Variants in SENP6 observed in about 807,000 individuals in gnomAD.
SENP6 encodes the protein SUMO specific peptidase 6, also known as sentrin-specific protease 6.
A neutral mutation model predicts 134.5 loss-of-function variants in SENP6; 41 were observed. That is an observed-to-expected ratio of 0.30 (90% CI 0.24 to 0.40). The LOEUF (loss-of-function observed/expected upper bound fraction) is 0.40. Ranked by LOEUF, SENP6 falls within the 10% of genes least tolerant of loss-of-function variation. The pLI is 1.00. For synonymous variants in SENP6, 395 were observed against 429.8 expected (o/e 0.92, Z 1.00); for missense variants, 1,248 against 1,312.5 (o/e 0.95, Z 0.76).
chr6:75,669,938 ATT>A (rs59309658), intron 10 of SENP6, among the ~76,000 whole-genome samples: 2 of 149,978 alleles, frequency 1.3e-5, no homozygotes, highest in African/African-American at 4.9e-5. Context: ...ACAAGATCAG[ATT>A]TTTTTTTTTT....
intron 16 of SENP6, among the ~76,000 whole-genome samples, chr6:75,689,692 T>C (rs1774103036): frequency 6.6e-6 from 1 of 152,200 alleles, no homozygotes; most frequent in African/African-American, 2.4e-5. Flanking sequence ...TAGTTTCCAT[T>C]GTGTCACAGT....
At chr6:75,641,175 C>G (rs1394479347) in intron 6 of SENP6, among the ~76,000 whole-genome samples, 1 of 152,098 alleles carries the variant, frequency 6.6e-6, no homozygotes, top group Admixed American at 6.6e-5. Context: ...TAAAAGGAAA[C>G]TTGTTGACAG....
intron 13 of SENP6, chr6:75,676,775 G>T (rs191399090): frequency 6.3e-4 from 193 of 306,506 alleles, no homozygotes; most frequent in African/African-American, 3.8e-3. Context: ...TTACATACGT[G>T]AATAGATTTG....
At chr6:75,684,203 G>A (rs1307355879) in intron 16 of SENP6, among the ~76,000 whole-genome samples, 7 of 152,124 alleles carry the variant, frequency 4.6e-5, no homozygotes, top group Non-Finnish European at 8.8e-5. Context: ...CTGTTTATCT[G>A]TTAATGGTGT....
chr6:75,672,569 T>C (rs1772760904), intron 11 of SENP6, among the ~76,000 whole-genome samples: 1 of 152,212 alleles, frequency 6.6e-6, no homozygotes, highest in African/African-American at 2.4e-5. Flanking sequence ...GCATTCTTCA[T>C]TGAAGAATAA....
chr6:75,686,979 C>T (rs1436222109), intron 16 of SENP6, among the ~76,000 whole-genome samples: 1 of 152,144 alleles, frequency 6.6e-6, no homozygotes, highest in East Asian at 1.9e-4. Flanking sequence ...TGGGTAATAT[C>T]CTGCAGAGTG....
chr6:75,658,947 A>G (rs572671174), intron 7 of SENP6, among the ~76,000 whole-genome samples: 2 of 121,810 alleles, frequency 1.6e-5, no homozygotes, highest in South Asian at 5.9e-4. Flanking sequence ...ACTCCGGCCT[A>G]GGTGACAGAA....
chr6:75,683,885 T>C (rs112254438), intron 16 of SENP6, among the ~76,000 whole-genome samples: 91 of 152,342 alleles, frequency 6.0e-4, no homozygotes, highest in African/African-American at 2.1e-3. Flanking sequence ...TGCGGGCTCT[T>C]TTTTGGTTCC....
In SENP6 at chr6:75,634,731, A is replaced by G. The variant is rs374561849; in HGVS notation, c.378A>G (p.Leu126=). ...KLSENTQNTS[L]CSGTVVHGRR... ...GTGAAAATACGCAAAATACGTCATT[A>G]TGTTCTGGAACTGTAGTTCATGGTA... Residue 126 remains leucine, a synonymous_variant, in exon 5 of 24, where the codon TTA becomes TTG. Coordinates refer to ENST00000447266, the MANE Select transcript of SENP6 (RefSeq NM_015571.4). 41 of 1,582,616 alleles carry G rather than the reference A, an allele frequency of 2.6e-5. No homozygotes were observed. Among genetic ancestry groups the G allele is most frequent in the Non-Finnish European group, 3.2e-5 (38 of 1,172,180 alleles).
At chr6:75,646,125 T>G (rs1484194089) in intron 6 of SENP6, among the ~76,000 whole-genome samples, 2 of 152,230 alleles carry the variant, frequency 1.3e-5, no homozygotes, top group African/African-American at 4.8e-5. Flanking sequence ...TAAGACTATA[T>G]TATATTCTCT....
At chr6:75,607,774 T>C (rs1261502906) in intron 1 of SENP6, among the ~76,000 whole-genome samples, 1 of 152,236 alleles carries the variant, frequency 6.6e-6, no homozygotes, top group Non-Finnish European at 1.5e-5. Flanking sequence ...AAAATGCTTC[T>C]GTCTCCAAAT....
At chr6:75,699,338 C>G (rs1386003915) in intron 18 of SENP6, among the ~76,000 whole-genome samples, 1 of 105,506 alleles carries the variant, frequency 9.5e-6, no homozygotes, top group Non-Finnish European at 1.9e-5. Flanking sequence ...ATCAAGAGAG[C>G]TTGTTTTTGT....
At chr6:75,693,634 C>T (rs1774449931) in intron 16 of SENP6, among the ~76,000 whole-genome samples, 2 of 152,264 alleles carry the variant, frequency 1.3e-5, no homozygotes, top group South Asian at 4.1e-4. Context: ...TGCCTGAAAG[C>T]AAGAAATCTT....
At chr6:75,703,939 C>G (rs952038734) in intron 19 of SENP6, among the ~76,000 whole-genome samples, 1 of 152,034 alleles carries the variant, frequency 6.6e-6, no homozygotes, top group Non-Finnish European at 1.5e-5. Flanking sequence ...AGGAAATTTA[C>G]AGTATTCAGC....
At chr6:75,677,292 T>C (rs1319459279) in intron 14 of SENP6, 36 bp downstream of exon 14, 7 of 1,355,516 alleles carry the variant, frequency 5.2e-6, no homozygotes, top group Non-Finnish European at 1.0e-6. Context: ...TATTCTTAAA[T>C]TGTGGGTAGT....
At chr6:75,628,713 T>C (rs1028098806) in intron 3 of SENP6, among the ~76,000 whole-genome samples, 2 of 152,148 alleles carry the variant, frequency 1.3e-5, no homozygotes, top group Non-Finnish European at 2.9e-5. Context: ...TGCTATAGTA[T>C]TATCATACAA....
intron 19 of SENP6, among the ~76,000 whole-genome samples, chr6:75,708,729 T>C (rs950522595): frequency 1.3e-5 from 2 of 151,970 alleles, no homozygotes; most frequent in African/African-American, 4.8e-5. Context: ...ACCCCATCTC[T>C]ACTAAAAATA....
At chr6:75,615,293 T>C (rs1232909540) in intron 1 of SENP6, among the ~76,000 whole-genome samples, 3 of 152,080 alleles carry the variant, frequency 2.0e-5, no homozygotes, top group Non-Finnish European at 4.4e-5. Flanking sequence ...GATTCTCCTG[T>C]GTCAGCCTCC....
chr6:75,680,508 G>A (rs958165254), intron 16 of SENP6, among the ~76,000 whole-genome samples: 1 of 152,078 alleles, frequency 6.6e-6, no homozygotes, highest in Non-Finnish European at 1.5e-5. Flanking sequence ...AGATAGACCG[G>A]GAATAAAAAG....
Sources: allele counts gnomAD v4.1 joint callset (sites outside exome capture counted in the v4.1 genomes callset), GRCh38; gene constraint gnomAD v4.1.1; transcripts MANE v1.5; gene names NCBI Gene and HGNC (gene_info 2026-07-23, HGNC 2026-07-21).